MBP: variants seen among roughly 807,000 people sequenced by gnomAD.
The protein encoded by MBP is Golli-MBP.
A neutral mutation model predicts 35.8 loss-of-function variants in MBP; 16 were observed. The observed-to-expected ratio is 0.45, with a 90% CI of 0.30 to 0.68. The LOEUF is 0.68. MBP is among the 30% of genes least tolerant of loss of function. The pLI is 0.08. For missense variants in MBP, 380 were observed against 404.7 expected (o/e 0.94, Z 0.52); for synonymous variants, 143 against 159.6 (o/e 0.90, Z 0.78).
intron 1 of MBP, among the ~76,000 whole-genome samples, chr18:77,130,735 C>G (rs535673929): frequency 1.3e-4 from 20 of 150,562 alleles, no homozygotes; most frequent in Non-Finnish European, 2.8e-4. Flanking sequence ...CTTTAATCAG[C>G]GCACACAGCT....
chr18:77,061,736 G>A (rs1378095206), intron 3 of MBP, among the ~76,000 whole-genome samples: 1 of 152,110 alleles, frequency 6.6e-6, no homozygotes, highest in Non-Finnish European at 1.5e-5. Context: ...CTGTTTCCTG[G>A]TGTTTTTTCC....
chr18:77,057,883 G>A (rs1212277583), intron 3 of MBP, among the ~76,000 whole-genome samples: 39 of 38,056 alleles, frequency 1.0e-3, no homozygotes, highest in East Asian at 5.8e-3. Context: ...CTGGAGTGCA[G>A]TGGTGCGATC....
intron 4 of MBP, chr18:77,010,032 A>G (rs1599054444): frequency 1.3e-6 from 1 of 783,594 alleles, no homozygotes; most frequent in South Asian, 1.5e-5. Context: ...GCAAGAGCCC[A>G]GAGTGAGGAG....
chr18:76,987,440 G>A (rs1267224458), intron 7 of MBP: 1 of 985,232 alleles, frequency 1.0e-6, no homozygotes, highest in Non-Finnish European at 1.2e-6. Context: ...ATAATTCAGT[G>A]TAATCATGTG....
In MBP at chr18:76,988,481, C is replaced by A. The variant is rs376361044; in HGVS notation, c.750+14G>T. On this transcript the variant is annotated intron_variant, in intron 7 of 8. Coordinates refer to ENST00000355994, the MANE Select transcript of MBP (RefSeq NM_001025101.2). This position sits in a 1 kb window ranked among gnomAD's most constrained non-coding sequence, Gnocchi z 5.2. ...ACGGAAGAGGAAGCCGATGGAAGTG[C>A]GTTCGTCACCTACCCAGCTAAATCT... 1.2e-6 allele frequency: 2 copies of A among 1,614,198 alleles called. No individual in the cohort carries two copies. Among genetic ancestry groups the A allele is most frequent in the East Asian group, 4.5e-5 (2 of 44,884 alleles).
intron 3 of MBP, among the ~76,000 whole-genome samples, chr18:77,041,331 G>T (rs1273325294): frequency 6.6e-6 from 1 of 152,170 alleles, no homozygotes; most frequent in Non-Finnish European, 1.5e-5. Flanking sequence ...CTGTTGGTGG[G>T]ACTGTAAACT....
chr18:77,012,958 C>T, intron 4 of MBP: 1 of 985,386 alleles, frequency 1.0e-6, no homozygotes, highest in Non-Finnish European at 1.2e-6. Context: ...GTTGCAAAAT[C>T]ACTGCCAGTA....
intron 4 of MBP, among the ~76,000 whole-genome samples, chr18:76,997,837 A>G (rs553920817): frequency 2.7e-4 from 41 of 152,064 alleles, no homozygotes; most frequent in East Asian, 5.8e-4. Flanking sequence ...CTCCGCCACC[A>G]CGCCCGGCTG....
intron 4 of MBP, chr18:77,009,801 G>A (rs756646423): frequency 2.2e-5 from 33 of 1,481,686 alleles, no homozygotes; most frequent in Non-Finnish European, 2.9e-5. Flanking sequence ...CTCAGGAAAC[G>A]GCAGGTCACC....
In MBP at chr18:76,989,123, A is replaced by G. The variant is rs142747960; in HGVS notation, c.682-211T>C. 6.8e-4 allele frequency: 472 copies of G among 696,924 alleles called. 3 individuals carry two copies. The Middle Eastern group carries it at 6.8e-3, about 10-fold the overall frequency. The allele number at this position is 696,924 out of a possible 1,614,324, so 43.2% of individuals were successfully genotyped here. On this transcript the variant is annotated intron_variant, in intron 5 of 8. Coordinates refer to ENST00000355994, the MANE Select transcript of MBP (RefSeq NM_001025101.2). This position sits in a 1 kb window ranked among gnomAD's most constrained non-coding sequence, Gnocchi z 4.0. ...ATGATGCAGATCTCCCAGAGCACTC[A>G]GGAAGTGTTTCAGAGGATGGAAAAC... is the stretch of plus-strand genomic sequence containing the variant.
At chr18:76,993,378 C>CA (rs890380603) in intron 4 of MBP, among the ~76,000 whole-genome samples, 3 of 86,418 alleles carry the variant, frequency 3.5e-5, no homozygotes, top group African/African-American at 1.1e-4. Context: ...TATGGTGAAA[C>CA]CCCTCTCTAC....
At chr18:77,011,548 T>C (rs1230850306) in intron 4 of MBP, among the ~76,000 whole-genome samples, 1 of 152,166 alleles carries the variant, frequency 6.6e-6, no homozygotes, top group Non-Finnish European at 1.5e-5. Context: ...CCATAAGACA[T>C]CCCACTGATG....
chr18:77,063,304 C>T (rs1974058720), intron 3 of MBP, among the ~76,000 whole-genome samples: 1 of 152,128 alleles, frequency 6.6e-6, no homozygotes, highest in Admixed American at 6.5e-5. Context: ...ATAGCAAAAG[C>T]CCCACAGTTC....
intron 4 of MBP, chr18:77,010,153 T>C: frequency 1.7e-6 from 1 of 574,730 alleles, no homozygotes. Context: ...AGGGCAGGCA[T>C]GCGCCCTGAA....
chr18:77,055,026 A>C (rs1973665740), intron 3 of MBP, among the ~76,000 whole-genome samples: 1 of 152,246 alleles, frequency 6.6e-6, no homozygotes, highest in African/African-American at 2.4e-5. Flanking sequence ...AAGGTATGCA[A>C]ACCATGGGAA....
chr18:76,998,106 ACCG>A (rs796463573), intron 4 of MBP, among the ~76,000 whole-genome samples: 7 of 152,318 alleles, frequency 4.6e-5, no homozygotes, highest in African/African-American at 1.7e-4. Flanking sequence ...TACCAGCATC[ACCG>A]CCATCCATCT....
In MBP at chr18:76,988,494, CCCAGCTAAATCTGCTCAGGGACAGT is replaced by C. The variant is rs1371650100; in HGVS notation, c.726_750del (p.Leu243GlyfsTer68). The C allele has an allele frequency of 6.2e-7, 1 of 1,614,042 alleles. No homozygotes were observed. The highest frequency in any genetic ancestry group is 8.5e-7 in the Non-Finnish European group (1 of 1,180,038). On this transcript the variant is annotated frameshift_variant and splice_region_variant, in exon 7 of 9. Transcript: ENST00000355994. LOFTEE classifies it high-confidence loss of function. The surrounding 1 kb of genome is among the most constrained non-coding windows in gnomAD (Gnocchi z 5.2). ...CCGATGGAAGTGCGTTCGTCACCTA[CCCAGCTAAATCTGCTCAGGGACAGT>C]CCTCTCCCCTGCATGAGGAAGACAG...
chr18:77,129,891 ACG>A, intron 1 of MBP, among the ~76,000 whole-genome samples: 1 of 151,862 alleles, frequency 6.6e-6, no homozygotes, highest in African/African-American at 2.4e-5. Flanking sequence ...AAACAAAAAA[ACG>A]CAAAAATCAG....
At chr18:77,111,691 G>GAGACCACGCCCTGGCTTGGC (rs1976455176) in intron 1 of MBP, among the ~76,000 whole-genome samples, 1 of 152,218 alleles carries the variant, frequency 6.6e-6, no homozygotes, top group Non-Finnish European at 1.5e-5. Context: ...AACTGCTTGG[G>GAGACCACGCCCTGGCTTGGC]AGACCACGCC....
Sources: allele counts gnomAD v4.1 joint callset (sites outside exome capture counted in the v4.1 genomes callset), GRCh38; gene constraint gnomAD v4.1.1; non-coding constraint Gnocchi (gnomAD v3.1); transcripts MANE v1.5; gene names NCBI Gene and HGNC (gene_info 2026-07-23, HGNC 2026-07-21).